SV2C: variants seen among roughly 807,000 people sequenced by gnomAD.
The protein encoded by SV2C is synaptic vesicle glycoprotein 2C.
SV2C carries 49 observed loss-of-function variants against 79.7 expected under a neutral mutation model. That is an observed-to-expected ratio of 0.61 (90% confidence interval 0.49 to 0.78). SV2C has a LOEUF of 0.78. Among genes scored for constraint, SV2C ranks in the 30% least tolerant of loss-of-function variants. The pLI is 0.00. For missense variants in SV2C, 833 were observed against 912.9 expected, an observed-to-expected ratio of 0.91 and a Z score of 1.13; for synonymous variants, 334 against 333.2, an observed-to-expected ratio of 1.00 and a Z score of -0.03.
At chr5:75,972,694 T>C in the SV2C span, among the ~76,000 whole-genome samples, 6 of 152,000 alleles carry the variant, frequency 3.9e-5, no homozygotes, top group Non-Finnish European at 8.8e-5. Flanking sequence ...CTGGAGAGAA[T>C]GTGGAGAAAC....
the SV2C span, among the ~76,000 whole-genome samples, chr5:75,928,394 A>G: frequency 6.6e-6 from 1 of 152,172 alleles, no homozygotes; most frequent in Non-Finnish European, 1.5e-5. Flanking sequence ...CCGGGAGATG[A>G]TGTTCAGTCC....
At chr5:75,927,827 G>T in the SV2C span, among the ~76,000 whole-genome samples, 1 of 152,104 alleles carries the variant, frequency 6.6e-6, no homozygotes, top group Non-Finnish European at 1.5e-5. Context: ...TGGTACATCA[G>T]TTATACCTCA....
chr5:76,313,766 G>C (rs1470819987), intron 12 of SV2C, among the ~76,000 whole-genome samples: 1 of 152,122 alleles, frequency 6.6e-6, no homozygotes, highest in Non-Finnish European at 1.5e-5. Context: ...TGCAGGGCTT[G>C]GAGGACGCTT....
chr5:76,079,683 T>C (rs1746951163), upstream of SV2C: 1 of 332,788 alleles, frequency 3.0e-6, no homozygotes, highest in Non-Finnish European at 6.0e-6. Context: ...TATTGCCTTG[T>C]GGAATTCTCA....
At chr5:75,945,577 C>T in the SV2C span, among the ~76,000 whole-genome samples, 3 of 151,932 alleles carry the variant, frequency 2.0e-5, no homozygotes, top group Admixed American at 6.6e-5. Context: ...CCTCAGCCTC[C>T]CAAAGTGCTG....
chr5:76,071,660 C>A, the SV2C span, among the ~76,000 whole-genome samples: 1 of 152,224 alleles, frequency 6.6e-6, no homozygotes, highest in African/African-American at 2.4e-5. Context: ...TTAGATCATG[C>A]TAAAAATAGA....
the SV2C span, among the ~76,000 whole-genome samples, chr5:75,897,649 T>C: frequency 6.6e-6 from 1 of 152,302 alleles, no homozygotes; most frequent in Non-Finnish European, 1.5e-5. Context: ...ATCTATAAAT[T>C]ACCTTGGGCA....
the SV2C span, among the ~76,000 whole-genome samples, chr5:75,874,995 A>C: frequency 6.6e-6 from 1 of 152,226 alleles, no homozygotes; most frequent in Admixed American, 6.5e-5. Context: ...AGCAATTTAC[A>C]GATTCAATGC....
chr5:76,166,427 A>G (rs139843861), intron 2 of SV2C, among the ~76,000 whole-genome samples: 2 of 152,342 alleles, frequency 1.3e-5, no homozygotes, highest in Non-Finnish European at 2.9e-5. Flanking sequence ...TTGTAAAGAG[A>G]TAGAAGGAAT....
rs546146250 is a variant in SV2C at position 76,275,071 on chromosome 5, A to G, written c.914-10091A>G. 3.3e-5 allele frequency among the ~76,000 whole-genome samples: 5 copies of G among 152,302 alleles called. No homozygotes were observed. In the South Asian group the frequency reaches 1.0e-3, roughly 32 times the overall value. Reference sequence around the variant, plus strand: ...CAGGTGATTTACTTCTTAGCTTAAAAATTGATCTCACATATGATACTTAAT... The same window carrying G: ...CAGGTGATTTACTTCTTAGCTTAAAGATTGATCTCACATATGATACTTAAT... On this transcript the variant is annotated intron_variant, in intron 4 of 12. Coordinates refer to ENST00000502798, the MANE Select transcript of SV2C (RefSeq NM_014979.4).
chr5:75,958,710 T>C, the SV2C span, among the ~76,000 whole-genome samples: 3 of 151,894 alleles, frequency 2.0e-5, no homozygotes, highest in African/African-American at 7.2e-5. Flanking sequence ...ACACACGTCA[T>C]TTTCTCCGTT....
chr5:76,257,054 A>G (rs1746290282), intron 4 of SV2C, among the ~76,000 whole-genome samples: 1 of 147,994 alleles, frequency 6.8e-6, no homozygotes. Flanking sequence ...CAGTTGTCAG[A>G]CTCTAGGCAT....
rs556688242 is a variant in SV2C at position 76,352,940 on chromosome 5, CTTTTTT to C, written c.2001-179_2001-174del. ...GAAATTCTTTTTTTTATTTTTACCT[CTTTTTT>C]TTTTTTTTTTCCTGAGACAAGGTCT... is the stretch of plus-strand genomic sequence containing the variant. On this transcript the variant is annotated intron_variant, in intron 12 of 12. Coordinates refer to the SV2C transcript ENST00000322285. 2.2e-5 allele frequency among the ~76,000 whole-genome samples: 3 copies of C among 136,538 alleles called. No homozygotes were observed. The Admixed American group carries it at 2.2e-4, about 10-fold the overall frequency. The allele number at this position is 136,538 out of a possible 152,430, so 89.6% of individuals were successfully genotyped here.
the SV2C span, among the ~76,000 whole-genome samples, chr5:76,028,212 T>G: frequency 2.6e-5 from 4 of 152,222 alleles, no homozygotes; most frequent in Non-Finnish European, 4.4e-5. Flanking sequence ...TTTTTGTCTC[T>G]CTGGATCACT....
the SV2C span, among the ~76,000 whole-genome samples, chr5:75,944,700 G>A: frequency 0.026 from 4,026 of 152,232 alleles, 162 homozygotes; most frequent in African/African-American, 0.089. Context: ...GCTGACAGAA[G>A]AACTCTGGCA....
chr5:76,106,718 T>C (rs1747929738), intron 1 of SV2C, among the ~76,000 whole-genome samples: 2 of 152,192 alleles, frequency 1.3e-5, no homozygotes, highest in South Asian at 4.1e-4. Flanking sequence ...TTTAAGTCAT[T>C]GCCTGAATCT....
At chr5:76,269,155 A>G (rs1746764314) in intron 4 of SV2C, among the ~76,000 whole-genome samples, 1 of 151,286 alleles carries the variant, frequency 6.6e-6, no homozygotes, top group South Asian at 2.1e-4. Context: ...CCTGTGTATT[A>G]TAAGATGTTT....
Position 76,285,064 on chromosome 5 carries a change from C to T in SV2C, c.914-98C>T, listed in dbSNP as rs542659941. 8.3e-5 allele frequency: 127 copies of T among 1,533,922 alleles called. No homozygotes were observed. In the African/African-American group the frequency reaches 1.4e-3, roughly 17 times the overall value. ...GCTCACTGCTCTGTGGATAGTAAGA[C>T]TTGACTAATAAGTCCATGGTTCGGG... is the stretch of plus-strand genomic sequence containing the variant. On this transcript the variant is annotated intron_variant, in intron 4 of 12. Transcript: ENST00000502798.
chr5:75,871,832 TATAC>T, the SV2C span, among the ~76,000 whole-genome samples: 10 of 113,708 alleles, frequency 8.8e-5, no homozygotes, highest in African/African-American at 2.9e-4. Flanking sequence ...TATATATATA[TATAC>T]ACACACACAC....
Sources: gnomAD v4.1 joint callset for allele counts (sites outside exome capture counted in the v4.1 genomes callset) on GRCh38, gnomAD v4.1.1 for gene constraint, MANE v1.5 for transcripts, NCBI Gene and HGNC (gene_info 2026-07-23, HGNC 2026-07-21) for gene names.